Variants in RAI14 observed in about 807,000 individuals in gnomAD.
RAI14 encodes ankycorbin.
A neutral mutation model predicts 115.4 loss-of-function variants in RAI14; 45 were observed. The ratio of observed to expected loss-of-function variants is 0.39; its 90% CI spans 0.31 to 0.50. The LOEUF is 0.50. RAI14 is among the 20% of genes least tolerant of loss of function. The pLI is 0.85. For missense variants in RAI14, 939 were observed against 1,131.2 expected, an observed-to-expected ratio of 0.83 and a Z score of 2.44; for synonymous variants, 371 against 415.4, an observed-to-expected ratio of 0.89 and a Z score of 1.30.
chr5:34,750,679 G>A (rs560454198), intron 2 of RAI14, among the ~76,000 whole-genome samples: 2 of 151,948 alleles, frequency 1.3e-5, no homozygotes, highest in East Asian at 1.9e-4. Flanking sequence ...AACCATGTAC[G>A]TTCTAACAAG....
intron 2 of RAI14, among the ~76,000 whole-genome samples, chr5:34,754,455 C>T (rs1385650828): frequency 3.9e-5 from 6 of 152,074 alleles, no homozygotes; most frequent in Admixed American, 1.3e-4. Context: ...AGAGTGGTCT[C>T]GAACTCAAGC....
Position 34,692,528 on chromosome 5 carries a change from CA to C in RAI14, c.36+5574del, listed in dbSNP as rs1474645613. ...CAGCCTGGGCGATAGAGCGAGACTC[CA>C]TCTCAAAAAATATAAAATAAAATAA... On this transcript the variant is annotated intron_variant, in intron 2 of 17. Transcript: ENST00000265109. 5.9e-5 allele frequency among the ~76,000 whole-genome samples: 9 copies of C among 151,916 alleles called. 1 individual carries two copies. Among genetic ancestry groups the C allele is most frequent in the Admixed American group, 3.3e-4 (5 of 15,258 alleles).
intron 1 of RAI14, among the ~76,000 whole-genome samples, chr5:34,682,504 G>A (rs893131912): frequency 1.3e-5 from 2 of 151,162 alleles, no homozygotes; most frequent in African/African-American, 2.5e-5. Context: ...TTTTTAAAGG[G>A]AAAATGAACT....
intron 8 of RAI14, among the ~76,000 whole-genome samples, chr5:34,811,405 T>C (rs1280295552): frequency 6.6e-6 from 1 of 152,162 alleles, no homozygotes; most frequent in East Asian, 1.9e-4. Context: ...AAAACAAACC[T>C]ATTGGTTGTT....
intron 2 of RAI14, chr5:34,687,765 G>C (rs1738035324): frequency 6.5e-7 from 1 of 1,540,430 alleles, no homozygotes; most frequent in South Asian, 1.2e-5. Context: ...ATCATTTCAG[G>C]CGAGGTAATT....
intron 3 of RAI14, among the ~76,000 whole-genome samples, chr5:34,768,390 G>T (rs1056199188): frequency 2.0e-5 from 3 of 152,138 alleles, no homozygotes; most frequent in African/African-American, 7.2e-5. Flanking sequence ...AACAAAAACC[G>T]TGTCATTCAT....
At position 34,824,285 on chromosome 5, in the gene RAI14, G is replaced by A. The variant is rs755449657; in HGVS notation, c.2443G>A (p.Glu815Lys). ...SKLKESVKEK[E>K]KVHSEVVQIR... ...ATTAAAGGAATCTGTGAAAGAGAAA[G>A]AGAAGGTCCATTCAGAGGTTGTCCA... Residue 815 changes from glutamate to lysine, a missense_variant, in exon 15 of 18, where the codon GAG becomes AAG. Transcript: ENST00000265109. 3.1e-6 allele frequency: 5 copies of A among 1,614,204 alleles called. No individual in the cohort carries two copies. In the South Asian group the frequency reaches 3.3e-5, roughly 11 times the overall value.
At chr5:34,789,360 T>C (rs1428688365) in intron 3 of RAI14, among the ~76,000 whole-genome samples, 1 of 152,250 alleles carries the variant, frequency 6.6e-6, no homozygotes, top group Non-Finnish European at 1.5e-5. Context: ...GAGTATCTTA[T>C]TCAAAGTTGG....
In RAI14 at chr5:34,811,026, G is replaced by T; in HGVS notation, c.465G>T (p.Pro155=). Residue 155 remains proline (P), a synonymous_variant, in exon 8 of 18, where the codon CCG becomes CCT. Transcript: ENST00000265109. ...TTGTCTCCTAGGATGGGAATATACC[G>T]CTGCTTCTTGCTGTACAAAATGGTC... is the stretch of plus-strand genomic sequence containing the variant. ...INLKDLDGNI[P]LLLAVQNGHS... 6.2e-7 allele frequency: 1 copy of T among 1,613,656 alleles called. No homozygotes were observed. Among genetic ancestry groups the T allele is most frequent in the South Asian group, 1.1e-5 (1 of 91,020 alleles).
chr5:34,816,139 T>A (rs933634093), intron 12 of RAI14, among the ~76,000 whole-genome samples: 1 of 152,204 alleles, frequency 6.6e-6, no homozygotes, highest in Non-Finnish European at 1.5e-5. Context: ...AAAGTTGTAA[T>A]TTAGATAGTA....
At chr5:34,707,461 C>T (rs578021288) in intron 2 of RAI14, among the ~76,000 whole-genome samples, 11 of 152,192 alleles carry the variant, frequency 7.2e-5, no homozygotes, top group African/African-American at 1.9e-4. Context: ...AGCGAGACTC[C>T]GTCTCAAAAA....
chr5:34,756,446 G>T (rs1042206611), intron 2 of RAI14, among the ~76,000 whole-genome samples: 1 of 152,174 alleles, frequency 6.6e-6, no homozygotes, highest in Admixed American at 6.5e-5. Context: ...CCAGGGTGTG[G>T]TGTCCACAGC....
chr5:34,666,464 T>G (rs1364306923), intron 1 of RAI14, among the ~76,000 whole-genome samples: 2 of 152,200 alleles, frequency 1.3e-5, no homozygotes, highest in African/African-American at 4.8e-5. Context: ...GTGGCTGTCT[T>G]GATGGGGACC....
intron 2 of RAI14, among the ~76,000 whole-genome samples, chr5:34,693,785 A>G (rs942755850): frequency 1.1e-4 from 17 of 152,232 alleles, no homozygotes; most frequent in African/African-American, 3.1e-4. Flanking sequence ...ACTGCATAAA[A>G]TAGATGTTAC....
chr5:34,819,311 A>G (rs1756590301), intron 13 of RAI14, among the ~76,000 whole-genome samples: 1 of 152,174 alleles, frequency 6.6e-6, no homozygotes, highest in African/African-American at 2.4e-5. Context: ...AAGTTACTGT[A>G]GCCTATATAT....
At chr5:34,678,526 A>G (rs1433833108) in intron 1 of RAI14, among the ~76,000 whole-genome samples, 1 of 152,182 alleles carries the variant, frequency 6.6e-6, no homozygotes, top group Non-Finnish European at 1.5e-5. Context: ...CATAAGATGA[A>G]GCAATTAGGA....
At chr5:34,815,888 G>A (rs941495213) in intron 12 of RAI14, among the ~76,000 whole-genome samples, 3 of 152,100 alleles carry the variant, frequency 2.0e-5, no homozygotes, top group South Asian at 2.1e-4. Flanking sequence ...ACATCATGAT[G>A]TACATGGTAA....
intron 3 of RAI14, among the ~76,000 whole-genome samples, chr5:34,758,216 C>A (rs530593494): frequency 6.6e-6 from 1 of 152,238 alleles, no homozygotes; most frequent in Non-Finnish European, 1.5e-5. Context: ...AATCTCTGAA[C>A]CTCAGTTTCC....
chr5:34,683,930 T>A (rs891456873), intron 1 of RAI14, among the ~76,000 whole-genome samples: 3 of 152,154 alleles, frequency 2.0e-5, no homozygotes, highest in Admixed American at 1.3e-4. Context: ...GGTTTCACCG[T>A]GTTAGCCAGG....
Sources: gnomAD v4.1 joint callset for allele counts (sites outside exome capture counted in the v4.1 genomes callset) on GRCh38, gnomAD v4.1.1 for gene constraint, MANE v1.5 for transcripts, NCBI Gene and HGNC (gene_info 2026-07-23, HGNC 2026-07-21) for gene names.